KRT71: variants seen among roughly 807,000 people sequenced by gnomAD.
KRT71 encodes keratin, type II cytoskeletal 71.
Under a neutral mutation model 46.2 loss-of-function variants are expected in KRT71, and 42 were observed. The ratio of observed to expected loss-of-function variants is 0.91; its 90% CI spans 0.71 to 1.18. KRT71 has a LOEUF of 1.18. Ranked by LOEUF, KRT71 falls within the 50% of genes most tolerant of loss-of-function variation. KRT71 has a pLI of 0.00. For synonymous variants in KRT71, 292 were observed against 277.8 expected (o/e 1.05, Z -0.51); for missense variants, 708 against 677.9 (o/e 1.04, Z -0.49).
intron 6 of KRT71, 55 bp downstream of exon 6, chr12:52,547,802 C>A: frequency 6.3e-7 from 1 of 1,598,612 alleles, no homozygotes; most frequent in South Asian, 1.1e-5. Flanking sequence ...GCTCATCTCC[C>A]CTCTACTCAT....
intron 1 of KRT71, among the ~76,000 whole-genome samples, chr12:52,550,937 T>G (rs1010833818): frequency 6.6e-6 from 1 of 152,216 alleles, no homozygotes; most frequent in Non-Finnish European, 1.5e-5. Flanking sequence ...TTAATCTACA[T>G]GAGCACAGCT....
chr12:52,548,746 T>C lies in KRT71; in HGVS notation c.768A>G (p.Glu256=). ...AGAACTTGATCTCCTGGTCCATGGA[T>C]TCCACCTTGGCCTGCAGTTCCACCT... is the stretch of plus-strand genomic sequence containing the variant. ...ANKVELQAKV[E]SMDQEIKFFR... is the part of the protein sequence containing the mutation. The change falls in exon 4 of 9, where the codon GAA becomes GAG. Residue 256 remains glutamate (E), a synonymous_variant. Transcript: ENST00000267119. 1 of 1,614,224 alleles carries C rather than the reference T, an allele frequency of 6.2e-7. No homozygotes were observed. Among genetic ancestry groups the C allele is most frequent in the Non-Finnish European group, 8.5e-7 (1 of 1,180,036 alleles).
chr12:52,550,299 T>C, intron 1 of KRT71, 56 bp from the exon 2 acceptor site: 1 of 1,594,916 alleles, frequency 6.3e-7, no homozygotes, highest in Non-Finnish European at 8.6e-7. Flanking sequence ...CACACGTGTC[T>C]CTCACAGGGC....
Position 52,552,787 on chromosome 12 carries a change from G to A in KRT71, c.291C>T (p.Cys97=), listed in dbSNP as rs751514275. ...TAACCTGGTGGATGCCTCCAGGTGG[G>A]CATACAGTTGGGCACACAGGCCCCA... ...VALGPVCPTV[C]PPGGIHQVTV... Residue 97 remains cysteine, a synonymous_variant, in exon 1 of 9, where the codon TGC becomes TGT. Coordinates refer to ENST00000267119, the MANE Select transcript of KRT71 (RefSeq NM_033448.3). The A allele has an allele frequency of 6.2e-6, 10 of 1,614,066 alleles. No individual in the cohort carries two copies. The African/African-American group carries it at 8.0e-5, about 13-fold the overall frequency.
intron 8 of KRT71, 119 bp downstream of exon 8, chr12:52,545,446 C>T (rs956615202): frequency 2.1e-5 from 13 of 613,624 alleles, no homozygotes; most frequent in Middle Eastern, 2.9e-4. Flanking sequence ...TTTGTGATCT[C>T]AGGCAAAGCT....
At chr12:52,547,283 T>C (rs185783356) in intron 6 of KRT71, among the ~76,000 whole-genome samples, 28 of 152,256 alleles carry the variant, frequency 1.8e-4, no homozygotes, top group African/African-American at 6.7e-4. Context: ...GAAGAATAGG[T>C]GCCGCTGCCA....
Position 52,548,736 on chromosome 12 carries a change from G to A in KRT71, c.778C>T (p.Gln260Ter). 1 of 1,614,148 alleles carries A rather than the reference G, an allele frequency of 6.2e-7. No homozygotes were observed. Among genetic ancestry groups the A allele is most frequent in the Non-Finnish European group, 8.5e-7 (1 of 1,179,996 alleles). ...ELQAKVESMD[Q>*]EIKFFRCLFE... is the part of the protein sequence containing the mutation. Reference sequence around the variant, plus strand: ...AGACACCTGAAGAACTTGATCTCCTGGTCCATGGATTCCACCTTGGCCTGC... The same window carrying A: ...AGACACCTGAAGAACTTGATCTCCTAGTCCATGGATTCCACCTTGGCCTGC... The change falls in exon 4 of 9, where the codon CAG (glutamine) becomes TAG (stop). Residue 260 changes from glutamine to a stop codon, truncating the protein, a stop_gained. Coordinates refer to ENST00000267119, the MANE Select transcript of KRT71 (RefSeq NM_033448.3). LOFTEE classifies it high-confidence loss of function.
Position 52,548,175 on chromosome 12 carries a change from CCTCGGCCTTA to C in KRT71, c.945_954del (p.Ser315ArgfsTer48). On this transcript the variant is annotated frameshift_variant, in exon 5 of 9. Coordinates refer to ENST00000267119, the MANE Select transcript of KRT71 (RefSeq NM_033448.3). LOFTEE classifies it high-confidence loss of function. Reference sequence around the variant, plus strand: ...ACCTTGGTCTGGTACAGGGCCTCAGCCTCGGCCTTACTCTTCAAGGCAATCTCCTCATACT... The same window carrying C: ...ACCTTGGTCTGGTACAGGGCCTCAGCCTCTTCAAGGCAATCTCCTCATACT... 1 of 1,613,800 alleles carries C rather than the reference CCTCGGCCTTA, an allele frequency of 6.2e-7. No individual in the cohort carries two copies.
Position 52,552,940 on chromosome 12 carries a change from C to T in KRT71, c.138G>A (p.Arg46=). 6.2e-7 allele frequency: 1 copy of T among 1,614,194 alleles called. No individual in the cohort carries two copies. The highest frequency in any genetic ancestry group is 8.5e-7 in the Non-Finnish European group (1 of 1,180,052). The change falls in exon 1 of 9, where the codon CGG becomes CGA. Residue 46 remains arginine, a synonymous_variant. Coordinates refer to ENST00000267119, the MANE Select transcript of KRT71 (RefSeq NM_033448.3). The stretch of plus-strand genomic sequence containing the variant: ...GGACACCCCCCAGGCTGTAGAGGCT[C>T]CGGCTGCCAAAGCCCCCACTGAGCC... ...SKGLSGGFGS[R]SLYSLGGVRS...
At position 52,546,455 on chromosome 12, in the gene KRT71, C is replaced by A; in HGVS notation, c.1156G>T (p.Ala386Ser). The change falls in exon 7 of 9, where the codon GCC becomes TCC. Residue 386 changes from alanine (A) to serine (S), a missense_variant. Transcript: ENST00000267119. Reference sequence around the variant, plus strand: ...AGCTTGGCCCGGGCATCCTTCAGGGCGTTGTCTCCCCGCTGCTCAGCATCA... The same window carrying A: ...AGCTTGGCCCGGGCATCCTTCAGGGAGTTGTCTCCCCGCTGCTCAGCATCA... The part of the protein sequence containing the change: ...IADAEQRGDN[A>S]LKDARAKLDE... 6.2e-7 allele frequency: 1 copy of A among 1,614,196 alleles called. No homozygotes were observed. The highest frequency in any genetic ancestry group is 8.5e-7 in the Non-Finnish European group (1 of 1,180,036).
At chr12:52,547,812 T>A (rs1277430592) in intron 6 of KRT71, 45 bp downstream of exon 6, 16 of 1,605,570 alleles carry the variant, frequency 1.0e-5, no homozygotes, top group Non-Finnish European at 1.4e-5. Flanking sequence ...CCTCTACTCA[T>A]GCTCCCCTGC....
Position 52,546,362 on chromosome 12 carries a change from C to A in KRT71, c.1249G>T (p.Glu417Ter). ...ELARMLREYQ[E>*]LMSLKLALDM... ...AGGGCCAGCTTCAGGCTCATGAGCT[C>A]CTGGTACTCGCGCAGCATCCGCGCC... is the stretch of plus-strand genomic sequence containing the variant. The change falls in exon 7 of 9, where the codon GAG becomes TAG. Residue 417 changes from glutamate to a stop codon, truncating the protein, a stop_gained. Transcript: ENST00000267119. LOFTEE classifies it high-confidence loss of function. 6.2e-7 allele frequency: 1 copy of A among 1,614,174 alleles called. No homozygotes were observed. Among genetic ancestry groups the A allele is most frequent in the South Asian group, 1.1e-5 (1 of 91,080 alleles).
At chr12:52,548,350 A>T in intron 4 of KRT71, 34 bp from the exon 5 acceptor site, 6 of 1,578,582 alleles carry the variant, frequency 3.8e-6, no homozygotes, top group Non-Finnish European at 4.3e-6. Flanking sequence ...TCTCGGCTCA[A>T]CTGCTGTCGG....
intron 1 of KRT71, among the ~76,000 whole-genome samples, chr12:52,552,378 C>A (rs1939187033): frequency 6.6e-6 from 1 of 152,352 alleles, no homozygotes; most frequent in South Asian, 2.1e-4. Context: ...AGCTAGCCCT[C>A]AAGAGGAAGG....
chr12:52,551,818 A>G (rs1462156197), intron 1 of KRT71, among the ~76,000 whole-genome samples: 1 of 152,188 alleles, frequency 6.6e-6, no homozygotes, highest in Non-Finnish European at 1.5e-5. Context: ...CTCTGCCAGA[A>G]GTCAGGGGCC....
In KRT71 at chr12:52,544,589, T is replaced by A. The variant is rs750197347; in HGVS notation, c.1515A>T (p.Lys505Asn). The change falls in exon 9 of 9, where the codon AAA (lysine) becomes AAT (asparagine). Residue 505 changes from lysine to asparagine, a missense_variant. Coordinates refer to ENST00000267119, the MANE Select transcript of KRT71 (RefSeq NM_033448.3). ...GRSRGSANDY[K>N]DTLGKGSSLS... ...GGCTGGAACCCTTCCCTAGGGTGTC[T>A]TTGTAATCGTTGGCACTGCCCCGGC... 3.1e-6 allele frequency: 5 copies of A among 1,614,140 alleles called. No homozygotes were observed. The highest frequency in any genetic ancestry group is 4.2e-6 in the Non-Finnish European group (5 of 1,180,010).
At chr12:52,551,741 A>G (rs1457588624) in intron 1 of KRT71, among the ~76,000 whole-genome samples, 3 of 152,056 alleles carry the variant, frequency 2.0e-5, no homozygotes, top group African/African-American at 7.2e-5. Context: ...CTTTCCCCAA[A>G]TGACCCTGGG....
rs1394956135 is a variant in KRT71, at chr12:52,547,943, C to T, written c.1018G>A (p.Asp340Asn). The part of the protein sequence containing the change: ...LQLAAGRHGD[D>N]LKNTKNEISE... ...ATTTCATTCTTGGTGTTTTTGAGGT[C>T]GTCCCCATGCCTGCCAGCTGCCAGC... The change falls in exon 6 of 9, where the codon GAC (aspartate) becomes AAC (asparagine). Residue 340 changes from aspartate to asparagine, a missense_variant. Transcript: ENST00000267119. The T allele has an allele frequency of 5.0e-6, 8 of 1,614,176 alleles. No homozygotes were observed. Among genetic ancestry groups the T allele is most frequent in the South Asian group, 3.3e-5 (3 of 91,036 alleles).
In KRT71 at chr12:52,545,613, A is replaced by C; in HGVS notation, c.1326-14T>G. On this transcript the variant is annotated splice_polypyrimidine_tract_variant and intron_variant, in intron 7 of 8. Transcript: ENST00000267119. Reference sequence around the variant, plus strand: ...TCTCCTGACATCCTATTAAGGAGAGAAATAAAATAAGAGGAGAAGAGAAGT... The same window carrying C: ...TCTCCTGACATCCTATTAAGGAGAGCAATAAAATAAGAGGAGAAGAGAAGT... 1 of 1,458,132 alleles carries C rather than the reference A, an allele frequency of 6.9e-7. No homozygotes were observed. Among genetic ancestry groups the C allele is most frequent in the Non-Finnish European group, 9.5e-7 (1 of 1,048,630 alleles). 90.3% of individuals were successfully genotyped at this position (1,458,132 alleles called of 1,614,324 possible). A position where few individuals can be genotyped will look rare whatever the true frequency, so the allele number is the denominator to read the frequency against.
Sources: allele counts gnomAD v4.1 joint callset (sites outside exome capture counted in the v4.1 genomes callset), GRCh38; gene constraint gnomAD v4.1.1; transcripts MANE v1.5; gene names NCBI Gene and HGNC (gene_info 2026-07-23, HGNC 2026-07-21).